The following ZNF326 variants were observed in gnomAD, a reference collection of about 807,000 sequenced individuals.
ZNF326 encodes the protein zinc finger protein 326.
In ZNF326, 30 loss-of-function variants were observed where a neutral mutation model predicts 63.1. The ratio of observed to expected loss-of-function variants is 0.48; its 90% CI spans 0.36 to 0.64. The LOEUF (loss-of-function observed/expected upper bound fraction) is 0.64, where lower values mean the gene tolerates loss of function less well. Among genes scored for constraint, ZNF326 ranks in the 30% least tolerant of loss-of-function variants. The pLI is 0.00. For missense variants in ZNF326, 609 were observed against 720.3 expected, an observed-to-expected ratio of 0.85 and a Z score of 1.77; for synonymous variants, 194 against 228.2, an observed-to-expected ratio of 0.85 and a Z score of 1.35.
chr1:90,004,731 G>T (rs1207822301), intron 2 of ZNF326, among the ~76,000 whole-genome samples: 1 of 123,330 alleles, frequency 8.1e-6, no homozygotes, highest in Non-Finnish European at 1.7e-5. Context: ...AGTCTCAAAA[G>T]AAAATAAAAA....
intron 2 of ZNF326, among the ~76,000 whole-genome samples, chr1:89,998,954 G>T (rs1249631366): frequency 6.6e-6 from 1 of 152,124 alleles, no homozygotes; most frequent in Non-Finnish European, 1.5e-5. Context: ...TTACTGAACA[G>T]TTAATTTTTA....
At position 90,005,232 on chromosome 1, in the gene ZNF326, G is replaced by A; in HGVS notation, c.197G>A (p.Gly66Asp). ...SYGMDNHSGGGGGSRFGPYES... is the reference protein window; with the variant it reads ...SYGMDNHSGGDGGSRFGPYES... ...GGCATGGACAATCACAGTGGTGGTGGTGGGGGTAGCAGGTAAATTGCTTAA... is the reference window on the plus strand; with the variant it reads ...GGCATGGACAATCACAGTGGTGGTGATGGGGGTAGCAGGTAAATTGCTTAA... Residue 66 changes from glycine (G) to aspartate (D), a missense_variant, in exon 4 of 12, where the codon GGT becomes GAT. Physicochemically the swap from Gly to Asp is moderately conservative, Grantham distance 94. Around this residue, in one of 3 missense-constraint regions of ZNF326, gnomAD observed 97 missense variants for 88.7 expected, o/e 1.09. Coordinates refer to ENST00000340281, the MANE Select transcript of ZNF326 (RefSeq NM_182976.4). 1 of 1,613,242 alleles carries A rather than the reference G, an allele frequency of 6.2e-7. No homozygotes were observed.
At chr1:90,025,388 C>G (rs1649968878) in intron 11 of ZNF326, among the ~76,000 whole-genome samples, 1 of 152,174 alleles carries the variant, frequency 6.6e-6, no homozygotes, top group Non-Finnish European at 1.5e-5. Context: ...ACTCCACCTC[C>G]CGGGTTCAAA....
At position 90,020,793 on chromosome 1, in the gene ZNF326, T is replaced by A. The variant is rs1460014607; in HGVS notation, c.1176T>A (p.Gly392=). ...TTAATAATTGGATGTCTTTTGTAGGTGTTACTGTAGATGATCACATGATGA... is the reference window on the plus strand; with the variant it reads ...TTAATAATTGGATGTCTTTTGTAGGAGTTACTGTAGATGATCACATGATGA... ...VKIIEKDVME[G]VTVDDHMMKV... The change falls in exon 10 of 12, where the codon GGT becomes GGA. Residue 392 remains glycine (G), a splice_region_variant and synonymous_variant. Transcript: ENST00000340281. The A allele has an allele frequency of 6.2e-7, 1 of 1,605,816 alleles. No homozygotes were observed. The highest frequency in any genetic ancestry group is 8.5e-7 in the Non-Finnish European group (1 of 1,176,944).
intron 11 of ZNF326, among the ~76,000 whole-genome samples, chr1:90,024,590 T>C (rs1178606906): frequency 6.6e-6 from 1 of 152,162 alleles, no homozygotes; most frequent in Non-Finnish European, 1.5e-5. Flanking sequence ...TCATTCTTGC[T>C]CTCTTTGCTT....
intron 7 of ZNF326, among the ~76,000 whole-genome samples, chr1:90,013,711 A>G (rs1649362273): frequency 6.6e-6 from 1 of 152,234 alleles, no homozygotes; most frequent in Non-Finnish European, 1.5e-5. Flanking sequence ...ATACCAGATT[A>G]GCCTGTGAAC....
chr1:89,998,084 C>A (rs1043808041), intron 1 of ZNF326, 26 bp from the exon 2 acceptor site: 1 of 1,604,148 alleles, frequency 6.2e-7, no homozygotes, highest in Non-Finnish European at 8.5e-7. Context: ...CACACTAATT[C>A]CTTTTTGTTA....
rs545149889 is a variant in ZNF326, at chr1:90,023,378, C to T, written c.1401+1033C>T. ...TTATTTTGTCTATTGTGACTCTTAACAGCTACTCTGTGAAGAAAACCTGAT... is the reference window on the plus strand; with the variant it reads ...TTATTTTGTCTATTGTGACTCTTAATAGCTACTCTGTGAAGAAAACCTGAT... On this transcript the variant is annotated intron_variant, in intron 11 of 11. Transcript: ENST00000340281. Among the ~76,000 whole-genome samples, 8 of 152,168 alleles carry T rather than the reference C, an allele frequency of 5.3e-5. No individual in the cohort carries two copies. The South Asian group carries it at 6.2e-4, about 12-fold the overall frequency.
At chr1:90,022,107 A>G (rs1649797245) in intron 10 of ZNF326, 143 bp from the exon 11 acceptor site, 2 of 616,760 alleles carry the variant, frequency 3.2e-6, no homozygotes, top group African/African-American at 1.9e-5. Flanking sequence ...GACTGTGGTT[A>G]TAGTAGTTGC....
intron 4 of ZNF326, chr1:90,005,885 C>T (rs1000942660): frequency 2.0e-5 from 20 of 985,160 alleles, no homozygotes; most frequent in South Asian, 4.7e-5. Context: ...TTTGACTAGT[C>T]GAGATTGTAT....
chr1:90,010,723 C>T (rs1483722808), intron 6 of ZNF326, among the ~76,000 whole-genome samples: 2 of 151,870 alleles, frequency 1.3e-5, no homozygotes, highest in Non-Finnish European at 2.9e-5. Context: ...TAACTTTTTC[C>T]CTAATTATGA....
rs1232509761 is a variant in ZNF326 at position 90,032,909 on chromosome 1, G to A, written c.*5208G>A. On this transcript the variant is annotated 3_prime_UTR_variant, in exon 12 of 12. Transcript: ENST00000340281. ...CCATCGAAGTGTGGCAATGCCCTAG[G>A]TATATTGTGATTACCACAAGGAGCT... The A allele has an allele frequency of 6.6e-6, 1 of 152,228 alleles. No individual in the cohort carries two copies. Among genetic ancestry groups the A allele is most frequent in the Non-Finnish European group, 1.5e-5 (1 of 68,044 alleles). 9.4% of individuals were successfully genotyped at this position (152,228 alleles called of 1,614,324 possible).
rs1650294339 is a variant in ZNF326 at position 90,031,901 on chromosome 1, A to C, written c.*4200A>C. ...CAGTTTGACACCTGTTGATGGACAG[A>C]AAATGGAGTAACCGTCCAGGCAGGA... On this transcript the variant is annotated 3_prime_UTR_variant, in exon 12 of 12. Coordinates refer to ENST00000340281, the MANE Select transcript of ZNF326 (RefSeq NM_182976.4). The C allele has an allele frequency of 6.6e-6, 1 of 152,224 alleles. No homozygotes were observed. The highest frequency in any genetic ancestry group is 2.4e-5 in the African/African-American group (1 of 41,446). 9.4% of individuals were successfully genotyped at this position (152,224 alleles called of 1,614,324 possible). A position where few individuals can be genotyped will look rare whatever the true frequency, so the allele number is the denominator to read the frequency against.
intron 11 of ZNF326, 124 bp from the exon 12 acceptor site, chr1:90,027,230 T>A (rs530705056): frequency 5.7e-6 from 5 of 871,436 alleles, no homozygotes; most frequent in Admixed American, 5.1e-5. Flanking sequence ...GAATTTGTTA[T>A]AATTTACAAT....
At chr1:90,014,772 A>G (rs1649420868) in intron 7 of ZNF326, among the ~76,000 whole-genome samples, 1 of 152,204 alleles carries the variant, frequency 6.6e-6, no homozygotes, top group African/African-American at 2.4e-5. Context: ...TCTCTGTCCC[A>G]TTCATTATCT....
rs1382649038 is a variant in ZNF326, at chr1:90,013,213, G to A, written c.902G>A (p.Ser301Asn). ...EKQRRRREKN[S>N]EKYGDGYRMA... is the part of the protein sequence containing the mutation. ...CAAAGGCGCAGAAGAGAAAAAAACA[G>A]TGAGAAATACGGAGATGGATACAGG... Residue 301 changes from serine to asparagine, a missense_variant, in exon 7 of 12, where the codon AGT becomes AAT. Ser to Asn is a conservative substitution (Grantham distance 46). Coordinates refer to ENST00000340281, the MANE Select transcript of ZNF326 (RefSeq NM_182976.4). The A allele has an allele frequency of 1.2e-6, 2 of 1,609,100 alleles. No individual in the cohort carries two copies. The highest frequency in any genetic ancestry group is 1.7e-6 in the Non-Finnish European group (2 of 1,177,568).
chr1:90,028,719 T>A lies in ZNF326; in HGVS notation c.*1018T>A, dbSNP rs1650137851. On this transcript the variant is annotated 3_prime_UTR_variant, in exon 12 of 12. Coordinates refer to ENST00000340281, the MANE Select transcript of ZNF326 (RefSeq NM_182976.4). Reference sequence around the variant, plus strand: ...CATGAGCTTGATAGAGGATCTATTCTTAAATAATTTATTTTCAAACAACCG... The same window carrying A: ...CATGAGCTTGATAGAGGATCTATTCATAAATAATTTATTTTCAAACAACCG... 1 of 152,178 alleles carries A rather than the reference T, an allele frequency of 6.6e-6. No individual in the cohort carries two copies. The highest frequency in any genetic ancestry group is 2.1e-4 in the South Asian group (1 of 4,834). The allele number at this position is 152,178 out of a possible 1,614,324, so 9.4% of individuals were successfully genotyped here. A position where few individuals can be genotyped will look rare whatever the true frequency, so the allele number is the denominator to read the frequency against.
intron 2 of ZNF326, among the ~76,000 whole-genome samples, chr1:89,999,093 A>C (rs1184438057): frequency 6.6e-6 from 1 of 152,236 alleles, no homozygotes; most frequent in Non-Finnish European, 1.5e-5. Flanking sequence ...AGGAAGTTTA[A>C]TTTGCATCCA....
chr1:89,995,312 A>G (rs1256901826), intron 1 of ZNF326, 39 bp downstream of exon 1: 15 of 1,535,202 alleles, frequency 9.8e-6, no homozygotes, highest in Non-Finnish European at 1.2e-5. Flanking sequence ...AGCTGGCAGG[A>G]GGCGGGGTGG....
Sources: gnomAD v4.1 joint callset for allele counts (sites outside exome capture counted in the v4.1 genomes callset) on GRCh38, gnomAD v4.1.1 for gene constraint, gnomAD v4.1.1 regional missense constraint, MANE v1.5 for transcripts, NCBI Gene and HGNC (gene_info 2026-07-23, HGNC 2026-07-21) for gene names.